The following FHIT variants were observed in gnomAD, a reference collection of about 807,000 sequenced individuals.
The protein encoded by FHIT is bis(5'-adenosyl)-triphosphatase.
In FHIT, 19 loss-of-function variants were observed where a neutral mutation model predicts 17.9. That is an observed-to-expected ratio of 1.06 (90% CI 0.74 to 1.56). The LOEUF (loss-of-function observed/expected upper bound fraction) is 1.56, where lower values mean the gene tolerates loss of function less well. FHIT is among the 40% of genes most tolerant of loss of function. The pLI is 0.00. For synonymous variants in FHIT, 81 were observed against 69.7 expected, an observed-to-expected ratio of 1.16 and a Z score of -0.81; for missense variants, 248 against 189.2, an observed-to-expected ratio of 1.31 and a Z score of -1.82.
chr3:60,569,093 C>G (rs2037245647), intron 4 of FHIT, among the ~76,000 whole-genome samples: 1 of 151,644 alleles, frequency 6.6e-6, no homozygotes. Context: ...GAAACCCAAA[C>G]ATTTTCCTAT....
At chr3:60,100,858 T>C (rs1030025313) in intron 5 of FHIT, among the ~76,000 whole-genome samples, 3 of 152,168 alleles carry the variant, frequency 2.0e-5, no homozygotes, top group African/African-American at 7.2e-5. Context: ...TTAATTTTGT[T>C]CTCTTGTTAC....
intron 5 of FHIT, among the ~76,000 whole-genome samples, chr3:60,259,898 G>GCATT (rs2107607617): frequency 6.6e-6 from 1 of 152,094 alleles, no homozygotes; most frequent in East Asian, 1.9e-4. Flanking sequence ...CCCTGGCAAT[G>GCATT]GGATGACAAG....
At chr3:61,204,193 TAAAG>T (rs1431120060) in intron 1 of FHIT, among the ~76,000 whole-genome samples, 1 of 151,978 alleles carries the variant, frequency 6.6e-6, no homozygotes, top group African/African-American at 2.4e-5. Flanking sequence ...CAAAACAAAA[TAAAG>T]AAAGGGAAGA....
chr3:59,988,283 A>C (rs1709075296), intron 7 of FHIT, among the ~76,000 whole-genome samples: 1 of 152,098 alleles, frequency 6.6e-6, no homozygotes, highest in South Asian at 2.1e-4. Context: ...TAAAAGTAGG[A>C]TTAAAAATTT....
intron 5 of FHIT, among the ~76,000 whole-genome samples, chr3:60,443,069 C>T (rs1165079048): frequency 6.6e-6 from 1 of 152,056 alleles, no homozygotes; most frequent in Non-Finnish European, 1.5e-5. Context: ...ATTTGGCTCT[C>T]TGTTTATCTG....
rs923869223 is a variant in FHIT at position 60,209,014 on chromosome 3, C to T, written c.104-194862G>A. On this transcript the variant is annotated intron_variant, in intron 5 of 9. Transcript: ENST00000492590. ...TAGTCTACTTGCTTTCTGTCCACTT[C>T]GACTCAGACATAAAGAATATTTATC... 2.9e-4 allele frequency among the ~76,000 whole-genome samples: 44 copies of T among 152,212 alleles called. 1 individual carries two copies. Among genetic ancestry groups the T allele is most frequent in the East Asian group, 1.5e-3 (8 of 5,186 alleles).
chr3:60,153,660 G>T (rs1700564239), intron 5 of FHIT, among the ~76,000 whole-genome samples: 1 of 152,134 alleles, frequency 6.6e-6, no homozygotes, highest in South Asian at 2.1e-4. Context: ...GTAGCCTAAG[G>T]CCACGTTTAT....
rs1307807205 is a variant in FHIT, at chr3:60,349,106, G to T, written c.103+187754C>A. Among the ~76,000 whole-genome samples, 11 of 152,218 alleles carry T rather than the reference G, an allele frequency of 7.2e-5. 1 individual carries two copies. The East Asian group carries it at 1.2e-3, about 16-fold the overall frequency. ...GATTATTCTCCAAATAGAACATCAG[G>T]TTGCATAAAATCAAAGTAGTACTGG... On this transcript the variant is annotated intron_variant, in intron 5 of 9. Coordinates refer to ENST00000492590, the MANE Select transcript of FHIT (RefSeq NM_002012.4).
At chr3:59,932,761 G>C (rs912854028) in intron 7 of FHIT, among the ~76,000 whole-genome samples, 1 of 152,074 alleles carries the variant, frequency 6.6e-6, no homozygotes, top group South Asian at 2.1e-4. Context: ...AGTGAGAGAC[G>C]ATTACACTTC....
At chr3:61,134,201 G>C (rs939050593) in intron 2 of FHIT, among the ~76,000 whole-genome samples, 2 of 151,948 alleles carry the variant, frequency 1.3e-5, no homozygotes, top group Non-Finnish European at 2.9e-5. Flanking sequence ...CCAAGGGTAG[G>C]GGGTTGGCTC....
chr3:60,861,220 G>GATACATATGATACATATGATATATC lies in FHIT; in HGVS notation c.-110-39210_-110-39209insGATATATCATATGTATCATATGTAT. On this transcript the variant is annotated intron_variant, in intron 3 of 9. Transcript: ENST00000492590. ...CATATATGATATATATGATATATAT[G>GATACATATGATACATATGATATATC]ATATATATGATATATCATATCATAT... Among the ~76,000 whole-genome samples, 71 of 38,384 alleles carry GATACATATGATACATATGATATATC rather than the reference G, an allele frequency of 1.8e-3. 4 individuals are homozygous for GATACATATGATACATATGATATATC. Among genetic ancestry groups the GATACATATGATACATATGATATATC allele is most frequent in the African/African-American group, 6.7e-3 (68 of 10,158 alleles). 25.2% of individuals were successfully genotyped at this position (38,384 alleles called of 152,430 possible).
At chr3:59,975,946 G>A (rs940540713) in intron 7 of FHIT, among the ~76,000 whole-genome samples, 4 of 152,014 alleles carry the variant, frequency 2.6e-5, no homozygotes, top group African/African-American at 9.7e-5. Context: ...TTCCTCCCCT[G>A]TACTAGAATG....
At chr3:59,986,470 G>A (rs74333616) in intron 7 of FHIT, among the ~76,000 whole-genome samples, 10,168 of 137,310 alleles carry the variant, frequency 0.074, 481 homozygotes, top group Middle Eastern at 0.16. Flanking sequence ...GGACTCCAAA[G>A]GGCTCTGGGT....
intron 4 of FHIT, among the ~76,000 whole-genome samples, chr3:60,705,154 T>C (rs1187615440): frequency 6.6e-6 from 1 of 152,128 alleles, no homozygotes; most frequent in Admixed American, 6.5e-5. Context: ...AATCATACTT[T>C]ATATTTTTAC....
intron 8 of FHIT, among the ~76,000 whole-genome samples, chr3:59,828,435 A>C (rs527337758): frequency 6.6e-6 from 1 of 152,340 alleles, no homozygotes; most frequent in African/African-American, 2.4e-5. Context: ...TATTTGATGT[A>C]TCTCTTAGTC....
chr3:61,231,297 G>A (rs780952021), intron 1 of FHIT, among the ~76,000 whole-genome samples: 19 of 152,094 alleles, frequency 1.2e-4, no homozygotes, highest in Non-Finnish European at 2.5e-4. Context: ...TTTGAAACCA[G>A]CCTGGACAAC....
chr3:60,906,158 A>G (rs1706404312), intron 3 of FHIT, among the ~76,000 whole-genome samples: 1 of 152,182 alleles, frequency 6.6e-6, no homozygotes, highest in Admixed American at 6.5e-5. Flanking sequence ...GAATATTAGG[A>G]AAAAAAGAAG....
At chr3:60,167,391 T>C (rs908670929) in intron 5 of FHIT, among the ~76,000 whole-genome samples, 9 of 152,242 alleles carry the variant, frequency 5.9e-5, no homozygotes, top group Admixed American at 6.5e-5. Flanking sequence ...TATGTAAATA[T>C]ATCCATATAT....
intron 4 of FHIT, among the ~76,000 whole-genome samples, chr3:60,778,401 A>G (rs1553724984): frequency 6.6e-6 from 1 of 152,222 alleles, no homozygotes; most frequent in Non-Finnish European, 1.5e-5. Flanking sequence ...ATATTGTGAC[A>G]CTGAAATACA....
Sources: gnomAD v4.1 joint callset for allele counts (sites outside exome capture counted in the v4.1 genomes callset) on GRCh38, gnomAD v4.1.1 for gene constraint, MANE v1.5 for transcripts, NCBI Gene and HGNC (gene_info 2026-07-23, HGNC 2026-07-21) for gene names.